GYPB: variants seen among roughly 807,000 people sequenced by gnomAD.
GYPB encodes the protein glycophorin-B.
In GYPB, 13 loss-of-function variants were observed where a neutral mutation model predicts 15.3. The ratio of observed to expected loss-of-function variants is 0.85; its 90% CI spans 0.55 to 1.35. The LOEUF (loss-of-function observed/expected upper bound fraction) is 1.35, where lower values mean the gene tolerates loss of function less well. Ranked by LOEUF, GYPB falls within the 40% of genes most tolerant of loss-of-function variation. The pLI, the probability that GYPB is intolerant of heterozygous loss-of-function variation, is 0.00. For missense variants in GYPB, 131 were observed against 108.3 expected (o/e 1.21, Z -0.93); for synonymous variants, 38 against 36.9 (o/e 1.03, Z -0.11).
At position 144,000,560 on chromosome 4, in the gene GYPB, A is replaced by T. The variant is rs1316976212; in HGVS notation, c.136+625T>A. The T allele has an allele frequency of 4.7e-5, 17 of 359,786 alleles. 3 individuals are homozygous for T. The highest frequency in any genetic ancestry group is 3.8e-4 in the African/African-American group (17 of 44,384). The allele number at this position is 359,786 out of a possible 1,614,324, so 22.3% of individuals were successfully genotyped here. On this transcript the variant is annotated intron_variant, in intron 2 of 4. Coordinates refer to ENST00000502664, the MANE Select transcript of GYPB (RefSeq NM_002100.6). ...CGTATCATGAAAGACAAATTCTCCC[A>T]CATCCCTCCCAGCAGCAGCTCCAGA...
chr4:143,998,189 G>A (rs1331862834), intron 3 of GYPB, among the ~76,000 whole-genome samples: 1 of 151,308 alleles, frequency 6.6e-6, no homozygotes, highest in Non-Finnish European at 1.5e-5. Flanking sequence ...TATATTCTAA[G>A]CTTTATTCCT....
intron 1 of GYPB, among the ~76,000 whole-genome samples, chr4:144,002,413 C>G (rs1031679570): frequency 5.3e-5 from 8 of 151,510 alleles, no homozygotes; most frequent in African/African-American, 2.0e-4. Flanking sequence ...AAATATTCTT[C>G]TATGAGAAGA....
intron 1 of GYPB, among the ~76,000 whole-genome samples, chr4:144,003,484 G>A (rs397834085): frequency 4.6e-5 from 7 of 151,346 alleles, no homozygotes; most frequent in African/African-American, 9.8e-5. Flanking sequence ...ATTACAGCAG[G>A]TTGTCAAAAG....
intron 3 of GYPB, 62 bp from the exon 4 acceptor site, chr4:143,997,696 AAGAC>A (rs1411764560): frequency 4.7e-6 from 4 of 845,006 alleles, no homozygotes; most frequent in East Asian, 2.4e-5. Flanking sequence ...ATAGAAAAAT[AAGAC>A]AGATAACATC....
rs188861744 is a variant in GYPB at position 144,015,834 on chromosome 4, A to C, written c.37+3417T>G. On this transcript the variant is annotated intron_variant, in intron 1 of 4. Coordinates refer to ENST00000502664, the MANE Select transcript of GYPB (RefSeq NM_002100.6). ...TATTGGGGTTTACAGATGAAAAATG[A>C]TTGTAGATACCATCTACTCGGTGCT... Among the ~76,000 whole-genome samples the C allele has an allele frequency of 5.8e-3, 885 of 151,320 alleles. 5 individuals are homozygous for C. The highest frequency in any genetic ancestry group is 8.2e-3 in the Non-Finnish European group (555 of 68,018).
intron 1 of GYPB, among the ~76,000 whole-genome samples, chr4:144,013,484 G>C (rs1579068919): frequency 6.6e-6 from 1 of 151,318 alleles, no homozygotes; most frequent in East Asian, 1.9e-4. Flanking sequence ...GTTTATTGTG[G>C]CATTATTCAC....
downstream of GYPB, among the ~76,000 whole-genome samples, chr4:143,995,452 T>C (rs1468121539): frequency 6.6e-6 from 1 of 151,272 alleles, no homozygotes; most frequent in East Asian, 1.9e-4. Context: ...AGTCAGAATG[T>C]ATCTGGTGTG....
At chr4:144,003,726 C>T (rs1727738857) in intron 1 of GYPB, among the ~76,000 whole-genome samples, 1 of 151,300 alleles carries the variant, frequency 6.6e-6, no homozygotes, top group African/African-American at 2.5e-5. Flanking sequence ...CTTCTTTGTT[C>T]TTCAACAGCT....
intron 1 of GYPB, chr4:144,008,268 G>A (rs4835132): frequency 0.041 from 16,714 of 405,238 alleles, 1,786 homozygotes; most frequent in African/African-American, 0.21. Context: ...AGAGAATGAG[G>A]GAATCAAGTA....
chr4:144,002,551 C>G (rs1419363349), intron 1 of GYPB: 1 of 1,262,794 alleles, frequency 7.9e-7, no homozygotes, highest in Non-Finnish European at 1.0e-6. Flanking sequence ...ACATCAGTAC[C>G]CTGAACTCTG....
rs367604114 is a variant in GYPB, at chr4:144,008,335, A to G, written c.38-7052T>C. ...ATTATAATGCAACCAACTCTCAAGCAAGCCTTCACTTCAGCAAATCAGGGC... is the reference window on the plus strand; with the variant it reads ...ATTATAATGCAACCAACTCTCAAGCGAGCCTTCACTTCAGCAAATCAGGGC... On this transcript the variant is annotated intron_variant, in intron 1 of 4. Transcript: ENST00000502664. 488 of 450,834 alleles carry G rather than the reference A, an allele frequency of 1.1e-3. 5 individuals are homozygous for G. The highest frequency in any genetic ancestry group is 5.6e-3 in the Middle Eastern group (16 of 2,866). The allele number at this position is 450,834 out of a possible 1,614,324, so 27.9% of individuals were successfully genotyped here.
rs933940036 is a variant in GYPB, at chr4:144,016,974, C to A, written c.37+2277G>T. On this transcript the variant is annotated intron_variant, in intron 1 of 4. Coordinates refer to ENST00000502664, the MANE Select transcript of GYPB (RefSeq NM_002100.6). ...AGCAGTTTTCGGCATTCATGTTTAT[C>A]ATCTTACCTGGTTTTATATGCTTTG... 1.6e-4 allele frequency: 59 copies of A among 372,126 alleles called. 1 individual carries two copies. The highest frequency in any genetic ancestry group is 1.6e-4 in the Non-Finnish European group (32 of 194,902). The allele number at this position is 372,126 out of a possible 1,614,324, so 23.1% of individuals were successfully genotyped here. A position where few individuals can be genotyped will look rare whatever the true frequency, so the allele number is the denominator to read the frequency against.
intron 1 of GYPB, among the ~76,000 whole-genome samples, chr4:144,001,876 A>G (rs543742726): frequency 1.4e-5 from 2 of 145,348 alleles, no homozygotes; most frequent in Admixed American, 1.4e-4. Flanking sequence ...AGAAAACACT[A>G]TTACATTGCA....
chr4:144,011,528 A>C (rs1271284979), intron 1 of GYPB, among the ~76,000 whole-genome samples: 1 of 151,282 alleles, frequency 6.6e-6, no homozygotes, highest in African/African-American at 2.5e-5. Flanking sequence ...TTCTTAAGTA[A>C]TTATGGACCA....
At chr4:144,010,692 T>C (rs1728171143) in intron 1 of GYPB, among the ~76,000 whole-genome samples, 1 of 151,260 alleles carries the variant, frequency 6.6e-6, no homozygotes, top group Non-Finnish European at 1.5e-5. Context: ...GCCAGATCAA[T>C]AGCGTATGAC....
chr4:144,010,745 T>C (rs1297811507), intron 1 of GYPB, among the ~76,000 whole-genome samples: 1 of 151,364 alleles, frequency 6.6e-6, no homozygotes, highest in Non-Finnish European at 1.5e-5. Flanking sequence ...CATTGACCAG[T>C]GGCTCATGCA....
chr4:144,015,730 A>G lies in GYPB; in HGVS notation c.37+3521T>C, dbSNP rs138312127. ...AGTGGGTGTCTGTTTCTTTCTAAAAACCCTATTTCACACCATGCTAAATAT... is the reference window on the plus strand; with the variant it reads ...AGTGGGTGTCTGTTTCTTTCTAAAAGCCCTATTTCACACCATGCTAAATAT... On this transcript the variant is annotated intron_variant, in intron 1 of 4. Coordinates refer to ENST00000502664, the MANE Select transcript of GYPB (RefSeq NM_002100.6). Among the ~76,000 whole-genome samples, 1,314 of 151,072 alleles carry G rather than the reference A, an allele frequency of 8.7e-3. 105 individuals are homozygous for G. The highest frequency in any genetic ancestry group is 0.031 in the African/African-American group (1,255 of 40,590).
rs767895154 is a variant in GYPB, at chr4:144,017,484, T to TGAA, written c.37+1766_37+1767insTTC. The stretch of plus-strand genomic sequence containing the variant: ...CCAGAGAGTTTCCTTGGAGGGTTTC[T>TGAA]GCTACGAAGATGATAACAGCTTGGG... On this transcript the variant is annotated intron_variant, in intron 1 of 4. Coordinates refer to ENST00000502664, the MANE Select transcript of GYPB (RefSeq NM_002100.6). Among the ~76,000 whole-genome samples, 33 of 151,334 alleles carry TGAA rather than the reference T, an allele frequency of 2.2e-4. 2 individuals carry two copies. The highest frequency in any genetic ancestry group is 6.2e-4 in the African/African-American group (25 of 40,648).
chr4:144,009,776 G>A (rs1295763648), intron 1 of GYPB, among the ~76,000 whole-genome samples: 4 of 149,730 alleles, frequency 2.7e-5, no homozygotes, highest in African/African-American at 5.0e-5. Context: ...ACCAAGCCCG[G>A]CTAATTTTTT....
Sources: gnomAD v4.1 joint callset for allele counts (sites outside exome capture counted in the v4.1 genomes callset) on GRCh38, gnomAD v4.1.1 for gene constraint, MANE v1.5 for transcripts, NCBI Gene and HGNC (gene_info 2026-07-23, HGNC 2026-07-21) for gene names.